FRAS1: variants seen among roughly 807,000 people sequenced by gnomAD.
FRAS1 encodes Fraser extracellular matrix complex subunit 1.
In FRAS1, 290 loss-of-function variants were observed where a neutral mutation model predicts 435.2. The observed-to-expected ratio is 0.67, with a 90% CI of 0.61 to 0.73. The LOEUF (loss-of-function observed/expected upper bound fraction) is 0.73, where lower values mean the gene tolerates loss of function less well. Ranked by LOEUF, FRAS1 falls within the 30% of genes least tolerant of loss-of-function variation. The pLI, the probability that FRAS1 is intolerant of heterozygous loss-of-function variation, is 0.00. For missense variants in FRAS1, 4,860 were observed against 5,001.5 expected, an observed-to-expected ratio of 0.97 and a Z score of 0.85; for synonymous variants, 1,800 against 1,851.0, an observed-to-expected ratio of 0.97 and a Z score of 0.71.
At chr4:78,113,776 G>C (rs1232403066) in intron 2 of FRAS1, among the ~76,000 whole-genome samples, 1 of 152,126 alleles carries the variant, frequency 6.6e-6, no homozygotes, top group South Asian at 2.1e-4. Flanking sequence ...CGTTCTGTAG[G>C]TTGCCTGGTC....
At chr4:78,102,087 A>G (rs1742160553) in intron 2 of FRAS1, among the ~76,000 whole-genome samples, 1 of 152,140 alleles carries the variant, frequency 6.6e-6, no homozygotes, top group Admixed American at 6.5e-5. Context: ...AAATGTTCTA[A>G]CCAATTGTAC....
rs34923655 is a variant in FRAS1 at position 78,410,454 on chromosome 4, TA to T, written c.4309-2507del. Among the ~76,000 whole-genome samples, 279 of 151,202 alleles carry T rather than the reference TA, an allele frequency of 1.8e-3. 2 individuals are homozygous for T. The highest frequency in any genetic ancestry group is 4.1e-3 in the African/African-American group (169 of 41,296). On this transcript the variant is annotated intron_variant, in intron 31 of 73. Coordinates refer to ENST00000512123, the MANE Select transcript of FRAS1 (RefSeq NM_025074.7). The stretch of plus-strand genomic sequence containing the variant: ...AATAAAATAACAAAAAATAATGATT[TA>T]AAAAAAACTCACTGGATGAAGACAT...
intron 2 of FRAS1, among the ~76,000 whole-genome samples, chr4:78,210,632 G>A (rs1273090159): frequency 2.6e-5 from 4 of 152,154 alleles, no homozygotes; most frequent in African/African-American, 7.2e-5. Flanking sequence ...AGAAGTTGGG[G>A]CCATAGGGAT....
chr4:78,091,542 C>G (rs4423899), intron 2 of FRAS1, among the ~76,000 whole-genome samples: 44,169 of 151,946 alleles, frequency 0.29, 6,694 homozygotes, highest in African/African-American at 0.35. Flanking sequence ...AGCTTCTTCA[C>G]TGGGCTTTGG....
intron 56 of FRAS1, among the ~76,000 whole-genome samples, chr4:78,479,982 T>A (rs1354067878): frequency 1.3e-5 from 2 of 152,228 alleles, no homozygotes; most frequent in East Asian, 3.8e-4. Flanking sequence ...ATGGATTATA[T>A]GATATATTTT....
chr4:78,318,527 A>G (rs1729366659), intron 17 of FRAS1, among the ~76,000 whole-genome samples: 1 of 152,174 alleles, frequency 6.6e-6, no homozygotes, highest in Admixed American at 6.5e-5. Flanking sequence ...AACCAAGCCA[A>G]TATTGTCCAG....
At chr4:78,416,626 G>A (rs1578310339) in intron 32 of FRAS1, among the ~76,000 whole-genome samples, 1 of 152,172 alleles carries the variant, frequency 6.6e-6, no homozygotes, top group Non-Finnish European at 1.5e-5. Flanking sequence ...GGTGAAGGGT[G>A]TGCTGGAGCA....
intron 6 of FRAS1, among the ~76,000 whole-genome samples, chr4:78,264,724 T>TGAA (rs1726268080): frequency 6.6e-6 from 1 of 152,192 alleles, no homozygotes; most frequent in Admixed American, 6.5e-5. Context: ...TAGGGTCATG[T>TGAA]GAAGCACTTA....
chr4:78,146,919 C>T (rs750176014), intron 2 of FRAS1, among the ~76,000 whole-genome samples: 4 of 151,700 alleles, frequency 2.6e-5, no homozygotes, highest in African/African-American at 9.7e-5. Context: ...ATAATTTATT[C>T]CTAAACACCC....
intron 70 of FRAS1, among the ~76,000 whole-genome samples, chr4:78,530,099 C>T (rs1053413403): frequency 6.6e-6 from 1 of 151,724 alleles, no homozygotes; most frequent in Non-Finnish European, 1.5e-5. Context: ...AGGAAAATTC[C>T]ACAATGTATT....
intron 2 of FRAS1, among the ~76,000 whole-genome samples, chr4:78,194,437 A>G (rs1176895931): frequency 6.6e-6 from 1 of 152,098 alleles, no homozygotes; most frequent in African/African-American, 2.4e-5. Flanking sequence ...GTCTTTTCAC[A>G]TAGTCTCATA....
At chr4:78,328,184 TA>T (rs1304101765) in intron 18 of FRAS1, among the ~76,000 whole-genome samples, 1 of 152,198 alleles carries the variant, frequency 6.6e-6, no homozygotes, top group Non-Finnish European at 1.5e-5. Context: ...AATTGAAAAA[TA>T]ACCTTTGTGC....
rs971191065 is a variant in FRAS1, at chr4:78,408,718, G to A, written c.4308+877G>A. Among the ~76,000 whole-genome samples, 8 of 152,232 alleles carry A rather than the reference G, an allele frequency of 5.3e-5. 1 individual carries two copies. Among genetic ancestry groups the A allele is most frequent in the South Asian group, 4.2e-4 (2 of 4,818 alleles). On this transcript the variant is annotated intron_variant, in intron 31 of 73. Transcript: ENST00000512123. ...TGAGTTAATACAGATAGAGTACTTC[G>A]AATACTGCATATCAGATAGGTAGCA...
chr4:78,495,949 T>C (rs76833691), intron 59 of FRAS1, among the ~76,000 whole-genome samples: 1,744 of 152,324 alleles, frequency 0.011, 29 homozygotes, highest in African/African-American at 0.04. Flanking sequence ...AAGTCACATA[T>C]AAATATTCAC....
intron 2 of FRAS1, among the ~76,000 whole-genome samples, chr4:78,152,504 T>A (rs1720707847): frequency 6.6e-6 from 1 of 152,090 alleles, no homozygotes; most frequent in Non-Finnish European, 1.5e-5. Context: ...CTGCATCAAG[T>A]TGTGTACATG....
At chr4:78,268,027 T>C (rs1411656523) in intron 9 of FRAS1, among the ~76,000 whole-genome samples, 1 of 152,248 alleles carries the variant, frequency 6.6e-6, no homozygotes, top group Non-Finnish European at 1.5e-5. Context: ...GTTTGGACTA[T>C]AGATGTACTG....
At chr4:78,137,140 A>G (rs1033623612) in intron 2 of FRAS1, among the ~76,000 whole-genome samples, 2 of 152,238 alleles carry the variant, frequency 1.3e-5, no homozygotes, top group African/African-American at 4.8e-5. Flanking sequence ...GAACCTAAAC[A>G]GGGCTGGGCA....
At chr4:78,508,408 A>G (rs1440649309) in intron 62 of FRAS1, among the ~76,000 whole-genome samples, 1 of 152,212 alleles carries the variant, frequency 6.6e-6, no homozygotes, top group East Asian at 1.9e-4. Context: ...TAAACTAGCA[A>G]CTGCTATTCA....
intron 2 of FRAS1, among the ~76,000 whole-genome samples, chr4:78,184,614 T>C (rs917050276): frequency 3.9e-5 from 6 of 152,146 alleles, no homozygotes; most frequent in African/African-American, 1.2e-4. Context: ...GCCAGGAAGA[T>C]TGTGGGCAGT....
Sources: allele counts gnomAD v4.1 joint callset (sites outside exome capture counted in the v4.1 genomes callset), GRCh38; gene constraint gnomAD v4.1.1; transcripts MANE v1.5; gene names NCBI Gene and HGNC (gene_info 2026-07-23, HGNC 2026-07-21).